ACBD6: variants seen among roughly 807,000 people sequenced by gnomAD.
ACBD6 encodes the protein acyl-CoA binding domain containing 6, also known as acyl-CoA-binding domain-containing protein 6.
In ACBD6, 28 loss-of-function variants were observed where a neutral mutation model predicts 37.2. The observed-to-expected ratio is 0.75, with a 90% confidence interval of 0.56 to 1.03. The LOEUF (loss-of-function observed/expected upper bound fraction) is 1.03. ACBD6 is among the 50% of genes least tolerant of loss of function. The probability of loss-of-function intolerance (pLI) is 0.00; values close to 1 mark genes in which losing one functional copy is unlikely to be tolerated. For synonymous variants in ACBD6, 113 were observed against 126.8 expected (o/e 0.89, Z 0.73); for missense variants, 340 against 337.4 (o/e 1.01, Z -0.06).
At chr1:180,365,229 C>T (rs1653010364) in intron 6 of ACBD6, among the ~76,000 whole-genome samples, 1 of 152,132 alleles carries the variant, frequency 6.6e-6, no homozygotes. Flanking sequence ...AGTTCAAAGC[C>T]TGTCAACAGA....
At chr1:180,416,464 CTTGAT>C (rs1349272413) in intron 4 of ACBD6, among the ~76,000 whole-genome samples, 1 of 152,062 alleles carries the variant, frequency 6.6e-6, no homozygotes, top group African/African-American at 2.4e-5. Context: ...ATTTTCCTTT[CTTGAT>C]TTTTTACTCA....
At chr1:180,347,728 T>C (rs1486875121) in intron 6 of ACBD6, among the ~76,000 whole-genome samples, 2 of 152,164 alleles carry the variant, frequency 1.3e-5, no homozygotes, top group African/African-American at 2.4e-5. Flanking sequence ...TCCCAGCAGT[T>C]TGGGAGGCTG....
At chr1:180,347,657 G>A (rs1652238875) in intron 6 of ACBD6, among the ~76,000 whole-genome samples, 1 of 152,014 alleles carries the variant, frequency 6.6e-6, no homozygotes, top group Non-Finnish European at 1.5e-5. Context: ...TTAGATGCAC[G>A]ACTGATAAGC....
rs537075157 is a variant in ACBD6 at position 180,335,656 on chromosome 1, T to A, written c.664-20934A>T. Among the ~76,000 whole-genome samples, 268 of 150,484 alleles carry A rather than the reference T, an allele frequency of 1.8e-3. 2 individuals are homozygous for A. Among genetic ancestry groups the A allele is most frequent in the African/African-American group, 5.8e-3 (240 of 41,164 alleles). ...ATAATGACAGGATCAAATTCACACATAACAATATTAACCTTAAATGTAAAT... is the reference window on the plus strand; with the variant it reads ...ATAATGACAGGATCAAATTCACACAAAACAATATTAACCTTAAATGTAAAT... On this transcript the variant is annotated intron_variant, in intron 6 of 7. Transcript: ENST00000367595.
chr1:180,432,934 G>C (rs1468616903), intron 3 of ACBD6, among the ~76,000 whole-genome samples: 1 of 149,184 alleles, frequency 6.7e-6, no homozygotes, highest in Non-Finnish European at 1.5e-5. Context: ...TCCCTACAAA[G>C]AAAAGCCCAG....
chr1:180,453,071 C>T (rs1436151783), intron 3 of ACBD6, among the ~76,000 whole-genome samples: 1 of 152,212 alleles, frequency 6.6e-6, no homozygotes, highest in Non-Finnish European at 1.5e-5. Flanking sequence ...TTTTATGAGG[C>T]CAGCATCAAC....
intron 6 of ACBD6, among the ~76,000 whole-genome samples, chr1:180,377,058 T>TCA (rs1467635445): frequency 6.6e-6 from 1 of 152,144 alleles, no homozygotes; most frequent in Non-Finnish European, 1.5e-5. Flanking sequence ...AGTAAATGTT[T>TCA]CACACAGAGG....
intron 4 of ACBD6, among the ~76,000 whole-genome samples, chr1:180,423,181 G>A (rs1271877423): frequency 6.6e-6 from 1 of 152,170 alleles, no homozygotes; most frequent in East Asian, 1.9e-4. Flanking sequence ...TCATCTGCAA[G>A]TGTTTTCAAA....
intron 6 of ACBD6, among the ~76,000 whole-genome samples, chr1:180,387,142 T>C (rs1030769689): frequency 1.3e-5 from 2 of 152,216 alleles, no homozygotes; most frequent in Non-Finnish European, 2.9e-5. Context: ...CTTGCTTGTG[T>C]GCTACTTAGA....
intron 3 of ACBD6, among the ~76,000 whole-genome samples, chr1:180,450,741 C>A (rs1038032496): frequency 2.0e-5 from 3 of 151,988 alleles, no homozygotes; most frequent in African/African-American, 7.2e-5. Context: ...GCCTGGGCGA[C>A]AGTGAGACTC....
intron 6 of ACBD6, among the ~76,000 whole-genome samples, chr1:180,334,184 T>C (rs9425878): frequency 0.2 from 30,481 of 152,100 alleles, 4,219 homozygotes; most frequent in African/African-American, 0.4. Context: ...TCCCAGCACA[T>C]AGCTGGAGAT....
Position 180,495,441 on chromosome 1 carries a change from A to C in ACBD6, c.287+20T>G, listed in dbSNP as rs1651694475. 1 of 1,572,018 alleles carries C rather than the reference A, an allele frequency of 6.4e-7. No individual in the cohort carries two copies. The highest frequency in any genetic ancestry group is 1.2e-5 in the South Asian group (1 of 86,032). On this transcript the variant is annotated intron_variant, in intron 2 of 7. Coordinates refer to ENST00000367595, the MANE Select transcript of ACBD6 (RefSeq NM_032360.4). Reference sequence around the variant, plus strand: ...AAGCCATTTCCAACAACCTCATTAAAGATTCCAGGAATTTCTTACCATTTT... The same window carrying C: ...AAGCCATTTCCAACAACCTCATTAACGATTCCAGGAATTTCTTACCATTTT...
chr1:180,489,919 A>C (rs979290228), intron 3 of ACBD6, among the ~76,000 whole-genome samples: 1 of 152,152 alleles, frequency 6.6e-6, no homozygotes, highest in Non-Finnish European at 1.5e-5. Flanking sequence ...TCAGCCTCCC[A>C]AAGTGTTGGG....
intron 6 of ACBD6, among the ~76,000 whole-genome samples, chr1:180,356,228 T>C (rs1652624558): frequency 6.6e-6 from 1 of 151,800 alleles, no homozygotes; most frequent in Non-Finnish European, 1.5e-5. Context: ...TGGAGTGCAG[T>C]GGCATGATCA....
At chr1:180,273,828 G>C (rs1038283630) in intron 11 of ACBD6, 4 of 296,710 alleles carry the variant, frequency 1.3e-5, no homozygotes, top group African/African-American at 6.5e-5. Flanking sequence ...TCAGCATGTA[G>C]TTTCCATTTG....
At chr1:180,471,715 G>A (rs1650577355) in intron 3 of ACBD6, among the ~76,000 whole-genome samples, 1 of 152,164 alleles carries the variant, frequency 6.6e-6, no homozygotes, top group Middle Eastern at 3.4e-3. Flanking sequence ...CTCCCCCTGG[G>A]TCCCTCCCAC....
chr1:180,430,474 T>C (rs1245748653), intron 3 of ACBD6, among the ~76,000 whole-genome samples: 2 of 152,082 alleles, frequency 1.3e-5, no homozygotes, highest in African/African-American at 2.4e-5. Context: ...TGGCTGGCAA[T>C]CTAAGGTATT....
chr1:180,427,070 A>T (rs773205096), intron 4 of ACBD6, among the ~76,000 whole-genome samples: 3 of 152,238 alleles, frequency 2.0e-5, no homozygotes, highest in Non-Finnish European at 4.4e-5. Context: ...TCTATGACAG[A>T]GTAGAAAGCA....
At chr1:180,393,351 A>G (rs1654145208) in intron 6 of ACBD6, among the ~76,000 whole-genome samples, 2 of 152,336 alleles carry the variant, frequency 1.3e-5, no homozygotes, top group African/African-American at 4.8e-5. Flanking sequence ...GTAAAAAATG[A>G]CAGGAAAACA....
Sources: allele counts gnomAD v4.1 joint callset (sites outside exome capture counted in the v4.1 genomes callset), GRCh38; gene constraint gnomAD v4.1.1; transcripts MANE v1.5; gene names NCBI Gene and HGNC (gene_info 2026-07-23, HGNC 2026-07-21).